The following SCOC variants were observed in gnomAD, a reference collection of about 807,000 sequenced individuals.
SCOC encodes the protein short coiled-coil protein.
A neutral mutation model predicts 9.9 loss-of-function variants in SCOC; 7 were observed. The ratio of observed to expected loss-of-function variants is 0.71; its 90% CI spans 0.40 to 1.33. The LOEUF is 1.33. SCOC is among the 40% of genes most tolerant of loss of function. The pLI, the probability that SCOC is intolerant of heterozygous loss-of-function variation, is 0.01. For synonymous variants in SCOC, 19 were observed against 28.2 expected (o/e 0.67, Z 1.03); for missense variants, 66 against 89.7 (o/e 0.74, Z 1.07).
intron 1 of SCOC, among the ~76,000 whole-genome samples, chr4:140,274,587 C>A (rs964467317): frequency 2.0e-5 from 3 of 152,204 alleles, no homozygotes; most frequent in Non-Finnish European, 4.4e-5. Context: ...TCCCTTCAGC[C>A]AGCAGCTGTG....
intron 1 of SCOC, among the ~76,000 whole-genome samples, chr4:140,281,728 C>G (rs1223604207): frequency 1.3e-5 from 2 of 152,186 alleles, no homozygotes; most frequent in African/African-American, 2.4e-5. Flanking sequence ...CTTGAGCCTT[C>G]TCCTTGCCAC....
intron 2 of SCOC, among the ~76,000 whole-genome samples, chr4:140,355,315 GATA>G (rs1727180054): frequency 6.7e-6 from 1 of 149,894 alleles, no homozygotes; most frequent in Non-Finnish European, 1.5e-5. Flanking sequence ...GGTGCATAAT[GATA>G]ATAAGCATTC....
intron 1 of SCOC, among the ~76,000 whole-genome samples, chr4:140,302,201 G>A (rs1186209101): frequency 2.0e-5 from 3 of 152,116 alleles, no homozygotes; most frequent in South Asian, 2.1e-4. Context: ...GATTTCTCAC[G>A]TAATGATTTG....
At chr4:140,264,904 C>A (rs72714273) in intron 1 of SCOC, among the ~76,000 whole-genome samples, 1 of 152,304 alleles carries the variant, frequency 6.6e-6, no homozygotes, top group Non-Finnish European at 1.5e-5. Context: ...TCACTGATGA[C>A]AAAAACAATG....
intron 1 of SCOC, among the ~76,000 whole-genome samples, chr4:140,280,805 G>A (rs937959008): frequency 6.6e-6 from 1 of 152,102 alleles, no homozygotes; most frequent in African/African-American, 2.4e-5. Context: ...CTGAGGAGAC[G>A]CTTCATGAGA....
chr4:140,382,302 A>G lies in SCOC; in HGVS notation c.*1198A>G, dbSNP rs980225571. On this transcript the variant is annotated 3_prime_UTR_variant, in exon 4 of 4. Coordinates refer to ENST00000608372, the MANE Select transcript of SCOC (RefSeq NM_001153484.2). ...TAGATTCCATTTGGTAAGGAAATCA[A>G]TATTGGAAGTATTGCTAAAATCTTA... is the stretch of plus-strand genomic sequence containing the variant. 2 of 152,456 alleles carry G rather than the reference A, an allele frequency of 1.3e-5. No homozygotes were observed. Among genetic ancestry groups the G allele is most frequent in the African/African-American group, 4.8e-5 (2 of 41,446 alleles). The allele number at this position is 152,456 out of a possible 1,614,324, so 9.4% of individuals were successfully genotyped here.
upstream of SCOC, chr4:140,373,386 T>G: frequency 6.9e-7 from 1 of 1,458,156 alleles, no homozygotes; most frequent in Non-Finnish European, 9.1e-7. Flanking sequence ...CAGCGCCGCT[T>G]AGCTTCGCTT....
At chr4:140,362,013 A>G (rs947975529) in intron 2 of SCOC, among the ~76,000 whole-genome samples, 1 of 151,894 alleles carries the variant, frequency 6.6e-6, no homozygotes, top group Admixed American at 6.6e-5. Context: ...CTTGATTTAA[A>G]TTGGTTGTCA....
chr4:140,366,721 C>T, intron 2 of SCOC: 5 of 1,584,302 alleles, frequency 3.2e-6, no homozygotes, highest in Non-Finnish European at 4.3e-6. Flanking sequence ...CATGGTCTGT[C>T]TCCTCACTTG....
In SCOC at chr4:140,352,210, AG is replaced by A. The variant is rs1354848514; in HGVS notation, c.70+8505del. Among the ~76,000 whole-genome samples, 4 of 152,228 alleles carry A rather than the reference AG, an allele frequency of 2.6e-5. No individual in the cohort carries two copies. In the East Asian group the frequency reaches 7.7e-4, roughly 29 times the overall value. ...TTAAAAGATTATTCCCATATCCTTAAGGGTATTGAAAAAGATCATCTCTAGT... is the reference window on the plus strand; with the variant it reads ...TTAAAAGATTATTCCCATATCCTTAAGGTATTGAAAAAGATCATCTCTAGT... On this transcript the variant is annotated intron_variant, in intron 2 of 4. Coordinates refer to the SCOC transcript ENST00000338517.
At chr4:140,353,098 G>C (rs1002949839) in intron 2 of SCOC, among the ~76,000 whole-genome samples, 5 of 152,132 alleles carry the variant, frequency 3.3e-5, no homozygotes, top group African/African-American at 1.2e-4. Flanking sequence ...TGCTTGACTT[G>C]TTCAGAATTT....
intron 2 of SCOC, among the ~76,000 whole-genome samples, chr4:140,355,202 A>G (rs915505522): frequency 5.1e-5 from 3 of 58,260 alleles, no homozygotes; most frequent in Admixed American, 5.6e-4. Context: ...CAGCCTATAC[A>G]TTATATTTTT....
Position 140,385,653 on chromosome 4 carries a change from A to G in SCOC, c.*4549A>G, listed in dbSNP as rs1728670185. On this transcript the variant is annotated 3_prime_UTR_variant, in exon 4 of 4. Transcript: ENST00000608372. ...AATCTAAAATTAATTTTGTGGTCCAAAGAAAAGCAAAATAGATCTTTAGAA... is the reference window on the plus strand; with the variant it reads ...AATCTAAAATTAATTTTGTGGTCCAGAGAAAAGCAAAATAGATCTTTAGAA... The G allele has an allele frequency of 1.3e-5, 2 of 152,214 alleles. No individual in the cohort carries two copies. Among genetic ancestry groups the G allele is most frequent in the Admixed American group, 6.5e-5 (1 of 15,286 alleles). The allele number at this position is 152,214 out of a possible 1,614,324, so 9.4% of individuals were successfully genotyped here.
chr4:140,279,218 A>G (rs1378627212), intron 1 of SCOC, among the ~76,000 whole-genome samples: 1 of 152,222 alleles, frequency 6.6e-6, no homozygotes, highest in African/African-American at 2.4e-5. Context: ...GTTCAAGCAC[A>G]TGAGCTCAGG....
intron 1 of SCOC, among the ~76,000 whole-genome samples, chr4:140,259,529 A>G (rs1730582698): frequency 6.6e-6 from 1 of 152,106 alleles, no homozygotes; most frequent in African/African-American, 2.4e-5. Flanking sequence ...AGTGCAGTCA[A>G]GGCAGAAGTT....
intron 2 of SCOC, among the ~76,000 whole-genome samples, chr4:140,363,357 T>C (rs1727655327): frequency 6.6e-6 from 1 of 152,176 alleles, no homozygotes; most frequent in African/African-American, 2.4e-5. Flanking sequence ...TTTTTTTCAG[T>C]AAATATAATG....
chr4:140,334,213 A>T (rs1732895218), intron 1 of SCOC, among the ~76,000 whole-genome samples: 1 of 152,188 alleles, frequency 6.6e-6, no homozygotes, highest in Non-Finnish European at 1.5e-5. Flanking sequence ...TATTAAACAG[A>T]ATTTCTATGT....
At chr4:140,375,312 A>T (rs72939842) in intron 1 of SCOC, among the ~76,000 whole-genome samples, 1 of 152,326 alleles carries the variant, frequency 6.6e-6, no homozygotes, top group African/African-American at 2.4e-5. Flanking sequence ...CCTACTATGT[A>T]CTAGGTACTG....
intron 1 of SCOC, among the ~76,000 whole-genome samples, chr4:140,261,907 A>G (rs1730641052): frequency 6.6e-6 from 1 of 152,186 alleles, no homozygotes; most frequent in South Asian, 2.1e-4. Flanking sequence ...CACTGGTGTC[A>G]TATGAAGCAG....
Sources: allele counts gnomAD v4.1 joint callset (sites outside exome capture counted in the v4.1 genomes callset), GRCh38; gene constraint gnomAD v4.1.1; transcripts MANE v1.5; gene names NCBI Gene and HGNC (gene_info 2026-07-23, HGNC 2026-07-21).